UBR2: variants seen among roughly 807,000 people sequenced by gnomAD.
The protein encoded by UBR2 is ubiquitin protein ligase E3 component n-recognin 2, also known as E3 ubiquitin-protein ligase UBR2.
In UBR2, 92 loss-of-function variants were observed where a neutral mutation model predicts 247.9. The ratio of observed to expected loss-of-function variants is 0.37; its 90% CI spans 0.31 to 0.44. The LOEUF (loss-of-function observed/expected upper bound fraction) is 0.44, where lower values mean the gene tolerates loss of function less well. Among genes scored for constraint, UBR2 ranks in the 20% least tolerant of loss-of-function variants. The pLI is 1.00. For missense variants in UBR2, 1,613 were observed against 2,112.6 expected, an observed-to-expected ratio of 0.76 and a Z score of 4.64; for synonymous variants, 672 against 693.5, an observed-to-expected ratio of 0.97 and a Z score of 0.49.
intron 11 of UBR2, among the ~76,000 whole-genome samples, chr6:42,630,087 T>G (rs1002503957): frequency 1.3e-5 from 2 of 151,834 alleles, no homozygotes; most frequent in Non-Finnish European, 2.9e-5. Context: ...GGGACATTAG[T>G]AATGAACCAT....
intron 36 of UBR2, among the ~76,000 whole-genome samples, chr6:42,673,521 G>C (rs1044531822): frequency 2.0e-5 from 3 of 152,144 alleles, no homozygotes; most frequent in Non-Finnish European, 2.9e-5. Context: ...CTTGCTTTCT[G>C]TCAGATGCGT....
At chr6:42,569,051 A>G (rs554778670) in intron 1 of UBR2, among the ~76,000 whole-genome samples, 1 of 152,244 alleles carries the variant, frequency 6.6e-6, no homozygotes, top group Admixed American at 6.5e-5. Flanking sequence ...TAAACCATAT[A>G]TTATTTATCT....
Position 42,574,174 on chromosome 6 carries a change from C to CA in UBR2, c.338+189dup, listed in dbSNP as rs555780906. On this transcript the variant is annotated intron_variant, in intron 2 of 46. Transcript: ENST00000372901. Reference sequence around the variant, plus strand: ...AAACATTTTTGTAATTATTCTTGATCAAAAAAAATTGTCACCAGCATTCTT... The same window carrying CA: ...AAACATTTTTGTAATTATTCTTGATCAAAAAAAAATTGTCACCAGCATTCTT... 9.9e-5 allele frequency among the ~76,000 whole-genome samples: 15 copies of CA among 151,828 alleles called. No homozygotes were observed. In the East Asian group the frequency reaches 2.7e-3, roughly 27 times the overall value.
intron 11 of UBR2, among the ~76,000 whole-genome samples, chr6:42,627,984 A>C (rs1250405442): frequency 6.6e-6 from 1 of 152,122 alleles, no homozygotes. Flanking sequence ...CTCACTGTTA[A>C]CAGTTTTTGC....
intron 11 of UBR2, among the ~76,000 whole-genome samples, chr6:42,624,209 C>T (rs1795187107): frequency 6.6e-6 from 1 of 152,004 alleles, no homozygotes. Flanking sequence ...GGTGCGATCT[C>T]AGCTCACTGC....
chr6:42,679,709 G>T lies in UBR2; in HGVS notation c.4610-15G>T. On this transcript the variant is annotated splice_polypyrimidine_tract_variant and intron_variant, in intron 41 of 46. Transcript: ENST00000372901. ...TAGTTGTTATATGCACTCTTTTCTT[G>T]TTCTTCATTTGCAGTTCCTGGAACA... The T allele has an allele frequency of 6.3e-7, 1 of 1,579,972 alleles. No homozygotes were observed.
At chr6:42,603,225 C>T (rs912531931) in intron 4 of UBR2, among the ~76,000 whole-genome samples, 5 of 152,042 alleles carry the variant, frequency 3.3e-5, no homozygotes, top group African/African-American at 1.2e-4. Context: ...GGTAATAGTC[C>T]TTTGTGTATT....
At chr6:42,622,372 G>A (rs1247850613) in intron 11 of UBR2, among the ~76,000 whole-genome samples, 1 of 150,116 alleles carries the variant, frequency 6.7e-6, no homozygotes, top group Non-Finnish European at 1.5e-5. Context: ...GTTTTGGGGG[G>A]AGGGGAGACA....
chr6:42,641,549 T>C lies in UBR2; in HGVS notation c.1921-33T>C, dbSNP rs143027318. ...ACTGATTTTATGTGTGTGTTTTTTT[T>C]GTTTTCTGTTTTTTTATTTTTTGTA... On this transcript the variant is annotated intron_variant, in intron 16 of 46. Coordinates refer to ENST00000372901, the MANE Select transcript of UBR2 (RefSeq NM_001363705.2). 2,170 of 1,530,212 alleles carry C rather than the reference T, an allele frequency of 1.4e-3. 16 individuals carry two copies. In the African/African-American group the frequency reaches 0.015, roughly 10 times the overall value. 94.8% of individuals were successfully genotyped at this position (1,530,212 alleles called of 1,614,324 possible).
At chr6:42,691,001 A>T in intron 46 of UBR2, 31 bp from the exon 47 acceptor site, 1 of 1,612,716 alleles carries the variant, frequency 6.2e-7, no homozygotes, top group Non-Finnish European at 8.5e-7. Context: ...AACAGAACAC[A>T]TTCTGAGTGA....
chr6:42,631,786 G>A (rs570615321), intron 11 of UBR2, among the ~76,000 whole-genome samples: 1 of 147,440 alleles, frequency 6.8e-6, no homozygotes, highest in East Asian at 2.0e-4. Flanking sequence ...ACATACTTGT[G>A]TATACTTAAT....
At chr6:42,648,011 G>GGT (rs1438093320) in intron 21 of UBR2, 107 bp from the exon 22 acceptor site, 23 of 737,376 alleles carry the variant, frequency 3.1e-5, no homozygotes, top group Admixed American at 4.9e-5. Flanking sequence ...ATGGAGATAA[G>GGT]GTGTATCTAC....
chr6:42,582,010 G>A (rs974437135), intron 2 of UBR2, among the ~76,000 whole-genome samples: 2 of 152,072 alleles, frequency 1.3e-5, no homozygotes, highest in African/African-American at 2.4e-5. Flanking sequence ...AGGGCTGGGT[G>A]CGGTGGCTCA....
In UBR2 at chr6:42,688,255, T is replaced by C; in HGVS notation, c.4893T>C (p.Thr1631=). ...KSGGDKSRAP[T]LCLVCGSLLC... Reference sequence around the variant, plus strand: ...GTGGTGATAAGAGCAGAGCCCCAACTCTGTGCCTTGTGTGCGGATCTCTGC... The same window carrying C: ...GTGGTGATAAGAGCAGAGCCCCAACCCTGTGCCTTGTGTGCGGATCTCTGC... Residue 1631 remains threonine, a synonymous_variant, in exon 45 of 47, where the codon ACT becomes ACC. Transcript: ENST00000372901. 1.2e-6 allele frequency: 2 copies of C among 1,614,182 alleles called. No homozygotes were observed. Among genetic ancestry groups the C allele is most frequent in the Non-Finnish European group, 1.7e-6 (2 of 1,180,036 alleles).
intron 4 of UBR2, among the ~76,000 whole-genome samples, 172 bp downstream of exon 4, chr6:42,594,476 C>A (rs1240351919): frequency 6.6e-6 from 1 of 152,150 alleles, no homozygotes; most frequent in African/African-American, 2.4e-5. Flanking sequence ...GCTAATAGTA[C>A]ACAGTTGAAA....
At chr6:42,592,749 C>T (rs1792748473) in intron 3 of UBR2, among the ~76,000 whole-genome samples, 1 of 152,116 alleles carries the variant, frequency 6.6e-6, no homozygotes, top group African/African-American at 2.4e-5. Flanking sequence ...GAACTTTTCA[C>T]CCTAATCATA....
intron 10 of UBR2, 60 bp downstream of exon 10, chr6:42,616,150 T>C: frequency 2.6e-6 from 3 of 1,169,890 alleles, no homozygotes; most frequent in Non-Finnish European, 3.6e-6. Context: ...CCCATAATTA[T>C]ATCTAGGCTT....
intron 21 of UBR2, among the ~76,000 whole-genome samples, chr6:42,647,409 A>C (rs1796830980): frequency 7.4e-6 from 1 of 134,650 alleles, no homozygotes; most frequent in South Asian, 2.5e-4. Context: ...GTTAAACCCC[A>C]TCGCTACTAA....
chr6:42,572,455 TA>T (rs1448154948), intron 1 of UBR2, among the ~76,000 whole-genome samples: 1 of 130,496 alleles, frequency 7.7e-6, no homozygotes, highest in Non-Finnish European at 1.6e-5. Context: ...CACTTGAACA[TA>T]CTTTTTTTTT....
Sources: gnomAD v4.1 joint callset for allele counts (sites outside exome capture counted in the v4.1 genomes callset) on GRCh38, gnomAD v4.1.1 for gene constraint, MANE v1.5 for transcripts, NCBI Gene and HGNC (gene_info 2026-07-23, HGNC 2026-07-21) for gene names.